DENND2C: variants seen among roughly 807,000 people sequenced by gnomAD.
The protein encoded by DENND2C is DENN domain-containing protein 2C.
Under a neutral mutation model 112.4 loss-of-function variants are expected in DENND2C, and 72 were observed. The observed-to-expected ratio is 0.64, with a 90% confidence interval of 0.53 to 0.78. The LOEUF (loss-of-function observed/expected upper bound fraction) is 0.78, where lower values mean the gene tolerates loss of function less well. Among genes scored for constraint, DENND2C ranks in the 30% least tolerant of loss-of-function variants. The pLI, the probability that DENND2C is intolerant of heterozygous loss-of-function variation, is 0.00. For missense variants in DENND2C, 992 were observed against 1,113.8 expected (o/e 0.89, Z 1.56); for synonymous variants, 329 against 381.6 (o/e 0.86, Z 1.61).
chr1:114,623,781 G>T, intron 4 of DENND2C, 138 bp from the exon 5 acceptor site: 1 of 771,218 alleles, frequency 1.3e-6, no homozygotes, highest in East Asian at 3.1e-5. Flanking sequence ...TGTTGCATAG[G>T]CTAGAGTTCA....
intron 15 of DENND2C, 36 bp from the exon 16 acceptor site, chr1:114,599,487 G>T: frequency 6.6e-7 from 1 of 1,516,192 alleles, no homozygotes. Context: ...GTCATATATA[G>T]AGTAACATAA....
chr1:114,600,887 T>C lies in DENND2C; in HGVS notation c.1889A>G (p.Glu630Gly). The part of the protein sequence containing the change: ...LVYPFMRSVM[E>G]APFPAPGRTI... Reference sequence around the variant, plus strand: ...GCGTCCAGGAGCTGGGAAAGGAGCTTCCATGACACTTCGCATGAATGGGTA... The same window carrying C: ...GCGTCCAGGAGCTGGGAAAGGAGCTCCCATGACACTTCGCATGAATGGGTA... Residue 630 changes from glutamate to glycine, a missense_variant, in exon 14 of 21, where the codon GAA becomes GGA. Transcript: ENST00000393274. 1 of 1,614,086 alleles carries C rather than the reference T, an allele frequency of 6.2e-7. No homozygotes were observed. The highest frequency in any genetic ancestry group is 8.5e-7 in the Non-Finnish European group (1 of 1,179,948).
chr1:114,599,069 T>C (rs1037388473), intron 16 of DENND2C, among the ~76,000 whole-genome samples: 1 of 152,162 alleles, frequency 6.6e-6, no homozygotes, highest in Non-Finnish European at 1.5e-5. Flanking sequence ...GTAAATAAGA[T>C]ACAGCTTTGG....
chr1:114,616,172 T>G (rs1655965994), intron 8 of DENND2C, among the ~76,000 whole-genome samples: 1 of 151,642 alleles, frequency 6.6e-6, no homozygotes, highest in South Asian at 2.1e-4. Flanking sequence ...GGTGGATCAT[T>G]TGAGGTCAGG....
chr1:114,665,556 G>A (rs1157133091), intron 1 of DENND2C, among the ~76,000 whole-genome samples: 4 of 152,114 alleles, frequency 2.6e-5, no homozygotes, highest in Admixed American at 6.5e-5. Context: ...TAAACCCTTC[G>A]TAAGTTTATC....
At chr1:114,609,434 G>T (rs531392287) in intron 9 of DENND2C, among the ~76,000 whole-genome samples, 1 of 152,144 alleles carries the variant, frequency 6.6e-6, no homozygotes, top group Non-Finnish European at 1.5e-5. Context: ...ATATATACTT[G>T]TATCAGTAAA....
intron 3 of DENND2C, among the ~76,000 whole-genome samples, chr1:114,640,284 G>C (rs1486491044): frequency 6.6e-6 from 1 of 152,184 alleles, no homozygotes; most frequent in Non-Finnish European, 1.5e-5. Context: ...ATTTATGAGA[G>C]GCTATTTTTA....
intron 3 of DENND2C, among the ~76,000 whole-genome samples, chr1:114,627,385 G>A (rs955911741): frequency 1.1e-4 from 17 of 152,248 alleles, no homozygotes; most frequent in South Asian, 6.2e-4. Context: ...TGATTAACAG[G>A]CAGGAAAATA....
At chr1:114,654,969 C>T (rs931531144) in intron 1 of DENND2C, among the ~76,000 whole-genome samples, 1 of 152,106 alleles carries the variant, frequency 6.6e-6, no homozygotes, top group African/African-American at 2.4e-5. Flanking sequence ...CCTGGAAGTC[C>T]CATATAACAC....
In DENND2C at chr1:114,625,855, T is replaced by C. The variant is rs767961814; in HGVS notation, c.130A>G (p.Lys44Glu). 3 of 1,614,148 alleles carry C rather than the reference T, an allele frequency of 1.9e-6. No individual in the cohort carries two copies. The highest frequency in any genetic ancestry group is 4.5e-5 in the East Asian group (2 of 44,854). The change falls in exon 4 of 21, where the codon AAG becomes GAG. Residue 44 changes from lysine (K) to glutamate (E), a missense_variant. By Grantham distance (56) the Lys-to-Glu change is moderately conservative (BLOSUM62 1). Around this residue, in one of 3 missense-constraint regions of DENND2C, gnomAD observed 470 missense variants for 472.7 expected, o/e 0.99. Coordinates refer to ENST00000393274, the MANE Select transcript of DENND2C (RefSeq NM_001256404.2). ...GISNPEKWCP[K>E]DFGVRYNCHQ... ...CAGTTATATCTCACTCCAAAGTCCT[T>C]TGGACACCACTTTTCTGGATTAGAT...
intron 3 of DENND2C, among the ~76,000 whole-genome samples, chr1:114,636,421 T>A (rs1466266790): frequency 6.6e-6 from 1 of 152,302 alleles, no homozygotes; most frequent in East Asian, 1.9e-4. Context: ...ATCCTAACAC[T>A]TTGGGAGGCC....
intron 4 of DENND2C, among the ~76,000 whole-genome samples, chr1:114,624,539 C>T (rs1656275351): frequency 6.6e-6 from 1 of 151,932 alleles, no homozygotes; most frequent in Admixed American, 6.6e-5. Context: ...AACTCCTGGC[C>T]TCAAGTGATC....
At chr1:114,608,207 TGCA>T (rs2101653096) in intron 10 of DENND2C, among the ~76,000 whole-genome samples, 1 of 152,020 alleles carries the variant, frequency 6.6e-6, no homozygotes, top group Admixed American at 6.6e-5. Context: ...TTGCAGGGGT[TGCA>T]GTGAGCCAAA....
intron 1 of DENND2C, among the ~76,000 whole-genome samples, chr1:114,660,922 C>A (rs1369287951): frequency 6.6e-6 from 1 of 151,808 alleles, no homozygotes; most frequent in Non-Finnish European, 1.5e-5. Context: ...ACCAGCCTGA[C>A]CAACATGGTG....
At chr1:114,626,510 C>CT (rs11412901) in intron 3 of DENND2C, among the ~76,000 whole-genome samples, 61,399 of 122,838 alleles carry the variant, frequency 0.5, 16,120 homozygotes, top group South Asian at 0.6. Context: ...TAAATTAATT[C>CT]TTTTTTTTTT....
Position 114,625,936 on chromosome 1 carries a change from G to A in DENND2C, c.49C>T (p.His17Tyr). Residue 17 changes from histidine (H) to tyrosine (Y), a missense_variant, in exon 4 of 21, where the codon CAC (histidine) becomes TAC (tyrosine). Physicochemically the swap from His to Tyr is moderately conservative, Grantham distance 83. Around this residue, in one of 3 missense-constraint regions of DENND2C, gnomAD observed 470 missense variants for 472.7 expected, o/e 0.99. Transcript: ENST00000393274. ...ATTTTTTGTTTGATGTTTTTGCAGT[G>A]GCTTCTTGACAGTGTCTGAACAGTA... is the stretch of plus-strand genomic sequence containing the variant. ...RTTVQTLSRS[H>Y]CKNIKQKISQ... 6.2e-7 allele frequency: 1 copy of A among 1,613,982 alleles called. No individual in the cohort carries two copies. The highest frequency in any genetic ancestry group is 8.5e-7 in the Non-Finnish European group (1 of 1,179,992).
At chr1:114,595,546 G>A (rs1655321053) in intron 17 of DENND2C, 1 of 271,152 alleles carries the variant, frequency 3.7e-6, no homozygotes, top group African/African-American at 2.2e-5. Flanking sequence ...AATTAAATTA[G>A]AGGCTTATGT....
intron 3 of DENND2C, among the ~76,000 whole-genome samples, chr1:114,631,726 G>A (rs1656495231): frequency 6.6e-6 from 1 of 152,196 alleles, no homozygotes; most frequent in Middle Eastern, 3.4e-3. Flanking sequence ...AGCTTGCAGT[G>A]AGCCGAGATT....
chr1:114,608,810 A>G lies in DENND2C; in HGVS notation c.1433T>C (p.Leu478Ser). The G allele has an allele frequency of 6.2e-7, 1 of 1,614,194 alleles. No homozygotes were observed. The highest frequency in any genetic ancestry group is 8.5e-7 in the Non-Finnish European group (1 of 1,180,038). The change falls in exon 10 of 21, where the codon TTG (leucine) becomes TCG (serine). Residue 478 changes from leucine (L) to serine (S), a missense_variant. By Grantham distance (145) the Leu-to-Ser change is moderately radical. This residue lies in a region of DENND2C where 516 missense variants were observed against 623.6 expected (regional missense o/e 0.83). Transcript: ENST00000393274. ...SSKRNPHYQTLERDLIELQEQ... is the reference protein window; with the variant it reads ...SSKRNPHYQTSERDLIELQEQ... ...CTGTAATTCAATAAGATCCCGCTCCAAGGTCTGGTAGTGAGGATTCCTCTT... is the reference window on the plus strand; with the variant it reads ...CTGTAATTCAATAAGATCCCGCTCCGAGGTCTGGTAGTGAGGATTCCTCTT...
Sources: allele counts gnomAD v4.1 joint callset (sites outside exome capture counted in the v4.1 genomes callset), GRCh38; gene constraint gnomAD v4.1.1; regional missense constraint gnomAD v4.1.1; transcripts MANE v1.5; gene names NCBI Gene and HGNC (gene_info 2026-07-23, HGNC 2026-07-21).